The following LSAMP variants were observed in gnomAD, a reference collection of about 807,000 sequenced individuals.
LSAMP encodes the protein limbic system associated membrane protein.
A neutral mutation model predicts 38.6 loss-of-function variants in LSAMP; 7 were observed. The ratio of observed to expected loss-of-function variants is 0.18; its 90% CI spans 0.10 to 0.34. The LOEUF (loss-of-function observed/expected upper bound fraction) is 0.34, where lower values mean the gene tolerates loss of function less well. Among genes scored for constraint, LSAMP ranks in the 10% least tolerant of loss-of-function variants. LSAMP has a pLI of 1.00. For missense variants in LSAMP, 313 were observed against 420.0 expected (o/e 0.75, Z 2.23); for synonymous variants, 154 against 166.8 (o/e 0.92, Z 0.59).
At chr3:116,299,360 T>A (rs1433883476) in intron 1 of LSAMP, among the ~76,000 whole-genome samples, 1 of 152,148 alleles carries the variant, frequency 6.6e-6, no homozygotes, top group African/African-American at 2.4e-5. Context: ...TTAGCAAATA[T>A]TACGAAAACA....
intron 3 of LSAMP, among the ~76,000 whole-genome samples, chr3:116,008,804 C>G (rs998493228): frequency 6.6e-6 from 1 of 151,964 alleles, no homozygotes; most frequent in Non-Finnish European, 1.5e-5. Context: ...TGCTATACTT[C>G]GAATACTAAG....
At chr3:116,325,197 C>T (rs2047754214) in intron 1 of LSAMP, among the ~76,000 whole-genome samples, 1 of 151,672 alleles carries the variant, frequency 6.6e-6, no homozygotes, top group South Asian at 2.1e-4. Context: ...TGGCTATTTA[C>T]AGGCATGATC....
chr3:116,096,956 A>G (rs1169037130), intron 1 of LSAMP, among the ~76,000 whole-genome samples: 1 of 152,250 alleles, frequency 6.6e-6, no homozygotes, highest in East Asian at 1.9e-4. Context: ...AGAGGATGAG[A>G]AACAACTTTA....
rs557643857 is a variant in LSAMP, at chr3:116,309,732, T to G, written c.155+135145A>C. Among the ~76,000 whole-genome samples the G allele has an allele frequency of 2.0e-5, 3 of 152,220 alleles. No individual in the cohort carries two copies. In the East Asian group the frequency reaches 5.8e-4, roughly 29 times the overall value. ...TTTCTCCATGGGAAGAACATTATAA[T>G]TAGAGGTTGATTTAGGGGGCCTAGA... On this transcript the variant is annotated intron_variant, in intron 1 of 6. Transcript: ENST00000490035.
intron 3 of LSAMP, among the ~76,000 whole-genome samples, chr3:115,983,262 T>A (rs1052333671): frequency 6.6e-6 from 1 of 152,150 alleles, no homozygotes; most frequent in African/African-American, 2.4e-5. Context: ...ATGCCTGTAA[T>A]CTCAGCAGTT....
At chr3:116,378,029 G>A (rs2048515617) in intron 1 of LSAMP, among the ~76,000 whole-genome samples, 1 of 151,918 alleles carries the variant, frequency 6.6e-6, no homozygotes, top group African/African-American at 2.4e-5. Flanking sequence ...AGTGCTTCAG[G>A]GAGCACCTAA....
At chr3:115,846,059 T>C (rs971717646) in intron 4 of LSAMP, among the ~76,000 whole-genome samples, 2 of 152,228 alleles carry the variant, frequency 1.3e-5, no homozygotes, top group African/African-American at 2.4e-5. Flanking sequence ...AATGAACATT[T>C]CAAAATTCAT....
intron 1 of LSAMP, among the ~76,000 whole-genome samples, chr3:116,131,909 C>T (rs1346828559): frequency 2.0e-5 from 3 of 151,644 alleles, no homozygotes; most frequent in Non-Finnish European, 2.9e-5. Flanking sequence ...CTTACTGCAG[C>T]CTCCACCTCC....
chr3:115,922,795 T>C (rs932043792), intron 3 of LSAMP, among the ~76,000 whole-genome samples: 10 of 152,118 alleles, frequency 6.6e-5, no homozygotes, highest in African/African-American at 2.4e-4. Context: ...GTTTAATTTC[T>C]CATGTGAAGA....
intron 3 of LSAMP, among the ~76,000 whole-genome samples, chr3:115,879,537 G>A (rs111256725): frequency 6.6e-4 from 100 of 152,146 alleles, no homozygotes; most frequent in Non-Finnish European, 1.6e-4. Flanking sequence ...AGAAAGAGAC[G>A]TAGTCATTCA....
intron 1 of LSAMP, among the ~76,000 whole-genome samples, chr3:116,159,361 C>T (rs1365602632): frequency 6.6e-6 from 1 of 152,034 alleles, no homozygotes. Context: ...ATGCATCTGA[C>T]AAACATTTGA....
At chr3:116,274,762 CA>C (rs2047024101) in intron 1 of LSAMP, among the ~76,000 whole-genome samples, 1 of 151,056 alleles carries the variant, frequency 6.6e-6, no homozygotes, top group Non-Finnish European at 1.5e-5. Flanking sequence ...GCAATCTAGG[CA>C]AAAGGTTTTG....
intron 1 of LSAMP, among the ~76,000 whole-genome samples, chr3:116,160,762 C>A (rs1576401359): frequency 6.6e-6 from 1 of 152,268 alleles, no homozygotes; most frequent in Middle Eastern, 3.4e-3. Flanking sequence ...CTCTATGAAG[C>A]AGTCTGAAAC....
At chr3:116,062,835 T>G (rs1001822151) in intron 2 of LSAMP, among the ~76,000 whole-genome samples, 1 of 152,202 alleles carries the variant, frequency 6.6e-6, no homozygotes, top group African/African-American at 2.4e-5. Flanking sequence ...ATTGTGTAAT[T>G]AAGTTGGGTA....
At chr3:116,396,069 C>A (rs2048763013) in intron 1 of LSAMP, among the ~76,000 whole-genome samples, 1 of 152,114 alleles carries the variant, frequency 6.6e-6, no homozygotes, top group South Asian at 2.1e-4. Context: ...ATTAGGCTCC[C>A]AGGCTCTAAT....
In LSAMP at chr3:116,198,776, A is replaced by AAAAAAAAAAAG. The variant is rs1241456903; in HGVS notation, c.156-112221_156-112220insCTTTTTTTTTT. ...ACAGAGCAAGACTCCGTCTCAGAAA[A>AAAAAAAAAAAG]AAAAAGAAAATCAGAACTGGACTGG... On this transcript the variant is annotated intron_variant, in intron 1 of 6. Coordinates refer to ENST00000490035, the MANE Select transcript of LSAMP (RefSeq NM_002338.5). Among the ~76,000 whole-genome samples, 2 of 147,034 alleles carry AAAAAAAAAAAG rather than the reference A, an allele frequency of 1.4e-5. 1 individual carries two copies. Among genetic ancestry groups the AAAAAAAAAAAG allele is most frequent in the African/African-American group, 5.0e-5 (2 of 39,930 alleles).
chr3:116,436,553 A>C (rs1299083652), intron 1 of LSAMP, among the ~76,000 whole-genome samples: 2 of 152,214 alleles, frequency 1.3e-5, no homozygotes, highest in African/African-American at 2.4e-5. Context: ...CAATTCTCAA[A>C]AGAAGATATA....
chr3:116,303,866 T>C lies in LSAMP; in HGVS notation c.155+141011A>G, dbSNP rs78233115. Among the ~76,000 whole-genome samples, 1,194 of 152,296 alleles carry C rather than the reference T, an allele frequency of 7.8e-3. 13 individuals are homozygous for C. The highest frequency in any genetic ancestry group is 0.027 in the African/African-American group (1,110 of 41,564). On this transcript the variant is annotated intron_variant, in intron 1 of 6. Transcript: ENST00000490035. ...CCCTTATATCATTGTGAAAAGCAAG[T>C]GTGAACTGATGGAACTGTTAAAGCA...
At chr3:116,028,251 T>C (rs141157162) in intron 2 of LSAMP, among the ~76,000 whole-genome samples, 1 of 152,212 alleles carries the variant, frequency 6.6e-6, no homozygotes, top group East Asian at 1.9e-4. Flanking sequence ...CAAACATCCA[T>C]CTAACCTGGC....
Sources: allele counts gnomAD v4.1 joint callset (sites outside exome capture counted in the v4.1 genomes callset), GRCh38; gene constraint gnomAD v4.1.1; transcripts MANE v1.5; gene names NCBI Gene and HGNC (gene_info 2026-07-23, HGNC 2026-07-21).